The following IQCJ variants were observed in gnomAD, a reference collection of about 807,000 sequenced individuals.
The protein encoded by IQCJ is IQ motif containing J.
A neutral mutation model predicts 11.0 loss-of-function variants in IQCJ; 9 were observed. The observed-to-expected ratio is 0.82, with a 90% CI of 0.49 to 1.43. The LOEUF (loss-of-function observed/expected upper bound fraction) is 1.43. IQCJ is among the 40% of genes most tolerant of loss of function. IQCJ has a pLI of 0.00. For synonymous variants in IQCJ, 55 were observed against 51.3 expected, an observed-to-expected ratio of 1.07 and a Z score of -0.31; for missense variants, 146 against 133.2, an observed-to-expected ratio of 1.10 and a Z score of -0.47.
chr3:159,260,882 C>G (rs1255597547), intron 3 of IQCJ, among the ~76,000 whole-genome samples: 2 of 152,060 alleles, frequency 1.3e-5, no homozygotes, highest in Non-Finnish European at 2.9e-5. Flanking sequence ...TCATCAGGAT[C>G]TTGGAAGAGG....
chr3:159,077,236 A>G (rs556524507), intron 1 of IQCJ, among the ~76,000 whole-genome samples: 6 of 152,280 alleles, frequency 3.9e-5, no homozygotes, highest in African/African-American at 1.4e-4. Flanking sequence ...GGCTCTCAAT[A>G]GTAAGTGTGG....
intron 1 of IQCJ, among the ~76,000 whole-genome samples, chr3:159,120,808 G>A (rs7653174): frequency 0.35 from 53,855 of 152,056 alleles, 9,776 homozygotes; most frequent in East Asian, 0.54. Flanking sequence ...ATGGTGGTAG[G>A]CAGTCTAGAA....
Position 159,117,514 on chromosome 3 carries a change from A to G in IQCJ, c.9+48073A>G, listed in dbSNP as rs371433713. On this transcript the variant is annotated intron_variant, in intron 1 of 3. Transcript: ENST00000397832. ...GTTGAGTTCATTGTATGTACAAAGC[A>G]TATGCTAGGAACTCCAGGCATAGCA... is the stretch of plus-strand genomic sequence containing the variant. Among the ~76,000 whole-genome samples, 45 of 152,326 alleles carry G rather than the reference A, an allele frequency of 3.0e-4. 2 individuals are homozygous for G. In the South Asian group the frequency reaches 8.1e-3, roughly 27 times the overall value.
At chr3:159,144,144 C>T (rs1001885813) in intron 1 of IQCJ, among the ~76,000 whole-genome samples, 16 of 152,212 alleles carry the variant, frequency 1.1e-4, no homozygotes, top group Admixed American at 4.6e-4. Context: ...GGAGGGGGCA[C>T]GAACATTCAA....
At chr3:159,249,495 G>C (rs1308731901) in intron 2 of IQCJ, among the ~76,000 whole-genome samples, 1 of 152,134 alleles carries the variant, frequency 6.6e-6, no homozygotes, top group Non-Finnish European at 1.5e-5. Context: ...TTCCTTTCAT[G>C]CTTGTCCAGG....
At chr3:159,171,106 G>A (rs1403561338) in intron 1 of IQCJ, among the ~76,000 whole-genome samples, 1 of 151,248 alleles carries the variant, frequency 6.6e-6, no homozygotes, top group Non-Finnish European at 1.5e-5. Flanking sequence ...GAAACCAGTA[G>A]GTAAACAAAT....
chr3:159,131,484 C>G lies in IQCJ; in HGVS notation c.9+62043C>G, dbSNP rs183094569. Among the ~76,000 whole-genome samples, 305 of 152,264 alleles carry G rather than the reference C, an allele frequency of 2.0e-3. 1 individual carries two copies. The highest frequency in any genetic ancestry group is 7.1e-3 in the African/African-American group (296 of 41,562). On this transcript the variant is annotated intron_variant, in intron 1 of 3. Coordinates refer to ENST00000397832, the MANE Select transcript of IQCJ (RefSeq NM_001042706.3). The stretch of plus-strand genomic sequence containing the variant: ...AAAGAAGCTGGGGCACTTCTTTGCT[C>G]TCTCTGCTTCTGTGCCTAGTATCTG...
chr3:159,217,896 C>T (rs188312957), intron 1 of IQCJ, among the ~76,000 whole-genome samples: 250 of 152,260 alleles, frequency 1.6e-3, no homozygotes, highest in African/African-American at 5.9e-3. Flanking sequence ...TGCCCTGAAT[C>T]ACACTGGCCT....
chr3:159,128,707 G>A (rs958735457), intron 1 of IQCJ, among the ~76,000 whole-genome samples: 4 of 152,068 alleles, frequency 2.6e-5, no homozygotes, highest in African/African-American at 9.7e-5. Context: ...TCTCCCTAAA[G>A]ATCTGCTCCC....
chr3:159,190,535 T>C (rs188639039), intron 1 of IQCJ, among the ~76,000 whole-genome samples: 55 of 152,264 alleles, frequency 3.6e-4, no homozygotes, highest in African/African-American at 1.2e-3. Context: ...CAGCTGGAAG[T>C]TTAGCAGTGC....
chr3:159,091,647 T>C (rs1577000378), intron 1 of IQCJ, among the ~76,000 whole-genome samples: 55 of 134,012 alleles, frequency 4.1e-4, no homozygotes, highest in Non-Finnish European at 8.0e-5. Context: ...AAGGGGTATT[T>C]ACACACACAC....
At chr3:159,218,681 G>C (rs73029450) in intron 1 of IQCJ, among the ~76,000 whole-genome samples, 2,513 of 152,162 alleles carry the variant, frequency 0.017, 72 homozygotes, top group African/African-American at 0.057. Context: ...ATATAAAGCA[G>C]GAAGAATTTT....
intron 1 of IQCJ, among the ~76,000 whole-genome samples, chr3:159,145,767 A>C (rs114425123): frequency 0.019 from 2,901 of 152,302 alleles, 76 homozygotes; most frequent in African/African-American, 0.066. Context: ...CATTCAATGA[A>C]TATTACTAAA....
Position 159,262,893 on chromosome 3 carries a change from A to C in IQCJ, c.*162A>C, listed in dbSNP as rs1477897699. On this transcript the variant is annotated 3_prime_UTR_variant, in exon 4 of 4. Transcript: ENST00000397832. ...CATAAGCACAAAGTGAACTTTATCAAGTCTGGAGAAAATAGATTGCATTTA... is the reference window on the plus strand; with the variant it reads ...CATAAGCACAAAGTGAACTTTATCACGTCTGGAGAAAATAGATTGCATTTA... 1 of 1,389,228 alleles carries C rather than the reference A, an allele frequency of 7.2e-7. No individual in the cohort carries two copies. Among genetic ancestry groups the C allele is most frequent in the East Asian group, 2.5e-5 (1 of 39,584 alleles). 86.1% of individuals were successfully genotyped at this position (1,389,228 alleles called of 1,614,324 possible).
intron 1 of IQCJ, among the ~76,000 whole-genome samples, chr3:159,210,323 T>C (rs1391970818): frequency 6.6e-6 from 1 of 152,228 alleles, no homozygotes; most frequent in Admixed American, 6.5e-5. Context: ...TTTAAACAAT[T>C]GCTGCACTAC....
At chr3:159,158,341 C>T (rs1043758683) in intron 1 of IQCJ, among the ~76,000 whole-genome samples, 25 of 152,168 alleles carry the variant, frequency 1.6e-4, no homozygotes, top group African/African-American at 5.1e-4. Flanking sequence ...CAGAACAATA[C>T]GTCCTTGAGA....
At chr3:159,111,541 T>C (rs1718633778) in intron 1 of IQCJ, among the ~76,000 whole-genome samples, 1 of 152,172 alleles carries the variant, frequency 6.6e-6, no homozygotes, top group Admixed American at 6.5e-5. Context: ...TCTGAGCATC[T>C]TCTGGACCAT....
intron 1 of IQCJ, among the ~76,000 whole-genome samples, chr3:159,111,629 A>C (rs982444847): frequency 9.2e-5 from 14 of 152,118 alleles, no homozygotes; most frequent in African/African-American, 3.1e-4. Flanking sequence ...AAGGAGAAAG[A>C]CCAGGAGGGG....
chr3:159,122,846 C>A (rs535519537), intron 1 of IQCJ, among the ~76,000 whole-genome samples: 1 of 152,296 alleles, frequency 6.6e-6, no homozygotes, highest in Admixed American at 6.5e-5. Flanking sequence ...AAGCTACATT[C>A]TTCAATCTGT....
Sources: allele counts gnomAD v4.1 joint callset (sites outside exome capture counted in the v4.1 genomes callset), GRCh38; gene constraint gnomAD v4.1.1; transcripts MANE v1.5; gene names NCBI Gene and HGNC (gene_info 2026-07-23, HGNC 2026-07-21).